OPHN1: variants seen among roughly 807,000 people sequenced by gnomAD.
OPHN1 encodes the protein oligophrenin 1, also known as oligophrenin-1.
Under a neutral mutation model 60.7 loss-of-function variants are expected in OPHN1, and 11 were observed. The ratio of observed to expected loss-of-function variants is 0.18; its 90% confidence interval spans 0.11 to 0.30. OPHN1 has a LOEUF of 0.30. OPHN1 is among the 10% of genes least tolerant of loss of function. The pLI is 1.00. For synonymous variants in OPHN1, 226 were observed against 222.6 expected, an observed-to-expected ratio of 1.02 and a Z score of -0.14; for missense variants, 449 against 611.0, an observed-to-expected ratio of 0.73 and a Z score of 2.80.
chrX:68,187,462 G>GAA (rs1456994200), intron 15 of OPHN1, among the ~76,000 whole-genome samples: 2 of 105,015 alleles, frequency 1.9e-5, no homozygotes, highest in African/African-American at 7.0e-5. Flanking sequence ...ATGAGACAAG[G>GAA]AAAGTTCTAG....
intron 3 of OPHN1, among the ~76,000 whole-genome samples, chrX:68,295,144 G>A (rs2078088553): frequency 1.8e-5 from 2 of 111,992 alleles, no homozygotes; most frequent in East Asian, 2.8e-4. Flanking sequence ...CAGGATAAAC[G>A]AGATCCTCAG....
chrX:68,178,458 C>T (rs767375394), intron 15 of OPHN1, among the ~76,000 whole-genome samples: 2 of 111,700 alleles, frequency 1.8e-5, no homozygotes, highest in African/African-American at 3.3e-5. Flanking sequence ...GGCTGAAGTG[C>T]AGTGGCGTGA....
intron 3 of OPHN1, among the ~76,000 whole-genome samples, chrX:68,290,326 C>A (rs181646391): frequency 2.7e-5 from 3 of 111,032 alleles, no homozygotes; most frequent in East Asian, 5.7e-4. Context: ...GGGCCAGGTG[C>A]TGTGGCTCAC....
intron 15 of OPHN1, among the ~76,000 whole-genome samples, chrX:68,161,514 G>A (rs1363974901): frequency 9.0e-6 from 1 of 110,760 alleles, no homozygotes; most frequent in Non-Finnish European, 1.9e-5. Context: ...ACCATGCAAA[G>A]TCAAAGGTCA....
chrX:68,367,895 C>A lies in OPHN1; in HGVS notation c.154+64972G>T, dbSNP rs997787511. On this transcript the variant is annotated intron_variant, in intron 2 of 24. Coordinates refer to ENST00000355520, the MANE Select transcript of OPHN1 (RefSeq NM_002547.3). Reference sequence around the variant, plus strand: ...TGTAAGTTTCTTGAGGCATCCCCAGCCATGCAGAACTGTGAGTCAATTAAA... The same window carrying A: ...TGTAAGTTTCTTGAGGCATCCCCAGACATGCAGAACTGTGAGTCAATTAAA... Among the ~76,000 whole-genome samples the A allele has an allele frequency of 9.0e-5, 10 of 111,658 alleles. No individual in the cohort carries two copies. The Admixed American group carries it at 9.6e-4, about 11-fold the overall frequency.
At chrX:68,235,454 G>GA (rs947036243) in intron 5 of OPHN1, among the ~76,000 whole-genome samples, 29 of 109,594 alleles carry the variant, frequency 2.6e-4, no homozygotes, top group African/African-American at 5.6e-4. Flanking sequence ...ACGGATCAAA[G>GA]AAAAAAAAAT....
chrX:68,344,730 G>T (rs1466352325), intron 2 of OPHN1, among the ~76,000 whole-genome samples: 3 of 111,595 alleles, frequency 2.7e-5, no homozygotes, highest in Non-Finnish European at 3.8e-5. Context: ...AATTAAAAAA[G>T]ATAATAAAAA....
intron 19 of OPHN1, among the ~76,000 whole-genome samples, chrX:68,082,271 G>T (rs946753896): frequency 8.9e-6 from 1 of 111,913 alleles, no homozygotes; most frequent in African/African-American, 3.3e-5. Flanking sequence ...TTGATATTTT[G>T]ACCTCCTCTC....
chrX:68,319,874 A>G (rs1041944215), intron 2 of OPHN1, among the ~76,000 whole-genome samples: 1 of 111,148 alleles, frequency 9.0e-6, no homozygotes, highest in Non-Finnish European at 1.9e-5. Flanking sequence ...CATATCTCAC[A>G]AAGGACTCAT....
intron 5 of OPHN1, among the ~76,000 whole-genome samples, chrX:68,248,083 G>A (rs1291568158): frequency 9.1e-6 from 1 of 110,478 alleles, no homozygotes; most frequent in Non-Finnish European, 1.9e-5. Context: ...ACTTCATATC[G>A]CCGAAAGGAC....
intron 18 of OPHN1, among the ~76,000 whole-genome samples, chrX:68,106,301 A>G (rs1411524004): frequency 9.1e-6 from 1 of 109,446 alleles, no homozygotes; most frequent in Non-Finnish European, 1.9e-5. Context: ...CTAGTAAGCT[A>G]ATAACCCATA....
intron 2 of OPHN1, among the ~76,000 whole-genome samples, chrX:68,387,739 CAAAT>C (rs2147750824): frequency 9.0e-6 from 1 of 111,673 alleles, no homozygotes; most frequent in South Asian, 3.8e-4. Context: ...CTGATGAAGA[CAAAT>C]AAGACATGTT....
In OPHN1 at chrX:68,054,042, T is replaced by C. The variant is rs571756500; in HGVS notation, c.2159-232A>G. Among the ~76,000 whole-genome samples the C allele has an allele frequency of 3.2e-4, 35 of 108,432 alleles. No homozygotes were observed. The South Asian group carries it at 0.015, about 46-fold the overall frequency. 94.2% of individuals were successfully genotyped at this position (108,432 alleles called of 115,157 possible). On this transcript the variant is annotated intron_variant, in intron 21 of 24. Coordinates refer to ENST00000355520, the MANE Select transcript of OPHN1 (RefSeq NM_002547.3). Reference sequence around the variant, plus strand: ...TGGAGTTTCAGATATCTTGGGTGTGTCATATCCATTCCCTAAGTCTCAGTT... The same window carrying C: ...TGGAGTTTCAGATATCTTGGGTGTGCCATATCCATTCCCTAAGTCTCAGTT...
chrX:68,082,403 TCTA>T (rs2076977467), intron 19 of OPHN1, among the ~76,000 whole-genome samples: 1 of 112,431 alleles, frequency 8.9e-6, no homozygotes, highest in South Asian at 3.7e-4. Context: ...CCTGATGAAA[TCTA>T]CTTCTTAAAT....
At chrX:68,060,808 G>A (rs2076890173) in intron 21 of OPHN1, among the ~76,000 whole-genome samples, 1 of 111,486 alleles carries the variant, frequency 9.0e-6, no homozygotes, top group South Asian at 3.8e-4. Flanking sequence ...AGACTGGGCT[G>A]GCTGAGGTAA....
intron 2 of OPHN1, among the ~76,000 whole-genome samples, chrX:68,383,900 C>G (rs775714913): frequency 1.8e-5 from 2 of 110,935 alleles, no homozygotes; most frequent in African/African-American, 6.6e-5. Flanking sequence ...AGCAACTTGA[C>G]CAGGGAGTGA....
chrX:68,135,901 G>A (rs1024785256), intron 15 of OPHN1, among the ~76,000 whole-genome samples: 1 of 111,761 alleles, frequency 8.9e-6, no homozygotes, highest in Non-Finnish European at 1.9e-5. Flanking sequence ...AATGTCTTTG[G>A]AACTGTCTAA....
chrX:68,073,512 C>T (rs1241817772), intron 19 of OPHN1, among the ~76,000 whole-genome samples: 1 of 111,975 alleles, frequency 8.9e-6, no homozygotes, highest in Non-Finnish European at 1.9e-5. Flanking sequence ...GAACCTGGCA[C>T]TTCTCAGTTT....
intron 6 of OPHN1, among the ~76,000 whole-genome samples, chrX:68,231,023 T>G (rs1248206716): frequency 9.0e-6 from 1 of 111,185 alleles, no homozygotes; most frequent in Non-Finnish European, 1.9e-5. Context: ...TTAGCCACAT[T>G]AAATAAGTAA....
Sources: gnomAD v4.1 joint callset for allele counts (sites outside exome capture counted in the v4.1 genomes callset) on GRCh38, gnomAD v4.1.1 for gene constraint, MANE v1.5 for transcripts, NCBI Gene and HGNC (gene_info 2026-07-23, HGNC 2026-07-21) for gene names.